BRD8: variants seen among roughly 807,000 people sequenced by gnomAD.
The protein encoded by BRD8 is bromodomain-containing protein 8.
In BRD8, 67 loss-of-function variants were observed where a neutral mutation model predicts 143.1. The observed-to-expected ratio is 0.47, with a 90% CI of 0.38 to 0.57. BRD8 has a LOEUF of 0.57. BRD8 is among the 20% of genes least tolerant of loss of function. BRD8 has a pLI of 0.00. For missense variants in BRD8, 1,103 were observed against 1,503.0 expected (o/e 0.73, Z 4.40); for synonymous variants, 505 against 517.1 (o/e 0.98, Z 0.32).
intron 2 of BRD8, among the ~76,000 whole-genome samples, chr5:138,173,842 C>T (rs1754086924): frequency 6.6e-6 from 1 of 152,186 alleles, no homozygotes; most frequent in African/African-American, 2.4e-5. Context: ...ACCACCAGAC[C>T]TGGCTAGTAT....
chr5:138,164,041 G>A (rs777702653), intron 14 of BRD8, 46 bp downstream of exon 14: 53 of 1,578,974 alleles, frequency 3.4e-5, no homozygotes, highest in Admixed American at 8.4e-5. Flanking sequence ...GTGCTATAGG[G>A]AAATCTAATC....
At chr5:138,143,924 C>T (rs746838300) in intron 25 of BRD8, among the ~76,000 whole-genome samples, 6 of 152,200 alleles carry the variant, frequency 3.9e-5, no homozygotes, top group African/African-American at 7.2e-5. Flanking sequence ...CCCCTCAAGG[C>T]AGCAGTGGCA....
At chr5:138,160,433 A>G (rs1273631019) in intron 18 of BRD8, among the ~76,000 whole-genome samples, 1 of 152,232 alleles carries the variant, frequency 6.6e-6, no homozygotes, top group African/African-American at 2.4e-5. Flanking sequence ...TAATAAAACT[A>G]GAATGAACCA....
chr5:138,142,547 G>A (rs1045120819), intron 25 of BRD8, among the ~76,000 whole-genome samples: 1 of 150,688 alleles, frequency 6.6e-6, no homozygotes, highest in African/African-American at 2.4e-5. Context: ...GGCGGATCAC[G>A]AGGTCAAGAG....
intron 26 of BRD8, 23 bp downstream of exon 26, chr5:138,140,682 C>T (rs1751867574): frequency 6.2e-7 from 1 of 1,607,228 alleles, no homozygotes; most frequent in Non-Finnish European, 8.5e-7. Flanking sequence ...ATTCCAGAGG[C>T]TACAGGTATC....
intron 20 of BRD8, 97 bp downstream of exon 20, chr5:138,159,458 C>A: frequency 7.8e-7 from 1 of 1,285,244 alleles, no homozygotes; most frequent in Non-Finnish European, 1.1e-6. Context: ...AAGACACTGC[C>A]ACAGTCTGCA....
chr5:138,158,727 G>A (rs901495954), intron 20 of BRD8, among the ~76,000 whole-genome samples: 1 of 149,402 alleles, frequency 6.7e-6, no homozygotes, highest in Non-Finnish European at 1.5e-5. Context: ...ACAGGTGTGA[G>A]CCACCACACC....
At chr5:138,161,489 T>C (rs1752995918) in intron 17 of BRD8, among the ~76,000 whole-genome samples, 1 of 152,156 alleles carries the variant, frequency 6.6e-6, no homozygotes, top group South Asian at 2.1e-4. Flanking sequence ...CTAAGTCTTG[T>C]ATTTTCTGTA....
chr5:138,141,317 A>G (rs1751899108), intron 25 of BRD8, among the ~76,000 whole-genome samples: 1 of 152,306 alleles, frequency 6.6e-6, no homozygotes, highest in East Asian at 1.9e-4. Flanking sequence ...TTTAGTAGAG[A>G]TAGGGTTTCA....
chr5:138,163,001 G>GAAGGAAAGGA (rs533786705), intron 15 of BRD8, 129 bp downstream of exon 15: 6 of 836,014 alleles, frequency 7.2e-6, no homozygotes, highest in East Asian at 2.7e-5. Flanking sequence ...AGAAAAAAGA[G>GAAGGAAAGGA]AAGGAAAGGA....
Position 138,166,616 on chromosome 5 carries a change from G to C in BRD8, c.899C>G (p.Pro300Arg), listed in dbSNP as rs1448932777. 4 of 1,613,652 alleles carry C rather than the reference G, an allele frequency of 2.5e-6. No individual in the cohort carries two copies. The highest frequency in any genetic ancestry group is 1.7e-4 in the Middle Eastern group (1 of 6,058). Residue 300 changes from proline (P) to arginine (R), a missense_variant, in exon 10 of 27, where the codon CCT becomes CGT. Transcript: ENST00000254900. ...SEPPVKLVPP[P>R]VESVSQATIV... ...GGTAGCTTGGGACACAGACTCTACA[G>C]GGGGTGGCACAAGTTTAACTGGAGG...
Position 138,170,915 on chromosome 5 carries a change from A to G in BRD8, c.360-3T>C, listed in dbSNP as rs755597390. On this transcript the variant is annotated splice_polypyrimidine_tract_variant and splice_region_variant and intron_variant, in intron 5 of 26. Transcript: ENST00000254900. ...GTTCTGCATCTCTCTTTAGCCGTCTATAGGAAGAAAGAGAGGTAGGTAGAC... is the reference window on the plus strand; with the variant it reads ...GTTCTGCATCTCTCTTTAGCCGTCTGTAGGAAGAAAGAGAGGTAGGTAGAC... 4 of 1,614,104 alleles carry G rather than the reference A, an allele frequency of 2.5e-6. No homozygotes were observed. The highest frequency in any genetic ancestry group is 1.6e-4 in the Middle Eastern group (1 of 6,062).
At position 138,167,715 on chromosome 5, in the gene BRD8, T is replaced by C. The variant is rs1294395827; in HGVS notation, c.787+219A>G. The C allele has an allele frequency of 7.7e-6, 4 of 518,122 alleles. No individual in the cohort carries two copies. The East Asian group carries it at 1.1e-4, about 14-fold the overall frequency. The allele number at this position is 518,122 out of a possible 1,614,324, so 32.1% of individuals were successfully genotyped here. ...AAGCAGTTCAATATTACTCTCAATA[T>C]CCATGCTGTGGTCAATCAGGGCTAT... On this transcript the variant is annotated intron_variant, in intron 9 of 26. Coordinates refer to ENST00000254900, the MANE Select transcript of BRD8 (RefSeq NM_139199.2).
At chr5:138,143,036 G>A (rs1175652614) in intron 25 of BRD8, among the ~76,000 whole-genome samples, 1 of 152,168 alleles carries the variant, frequency 6.6e-6, no homozygotes, top group Non-Finnish European at 1.5e-5. Context: ...TGTAATCCCA[G>A]CACTTTGGGA....
intron 23 of BRD8, among the ~76,000 whole-genome samples, chr5:138,146,560 C>T (rs1040262546): frequency 8.7e-5 from 13 of 150,142 alleles, no homozygotes; most frequent in African/African-American, 2.7e-4. Context: ...GGTCCCACTA[C>T]GTTGCCCAGG....
intron 2 of BRD8, chr5:138,172,743 T>C: frequency 2.3e-6 from 1 of 426,894 alleles, no homozygotes; most frequent in Non-Finnish European, 4.6e-6. Flanking sequence ...TCCCAGCTAC[T>C]TGGGCAGCTG....
chr5:138,164,239 C>T (rs1753223617), intron 13 of BRD8, 81 bp downstream of exon 13: 1 of 1,574,360 alleles, frequency 6.4e-7, no homozygotes, highest in African/African-American at 1.3e-5. Flanking sequence ...CCTGTTCTAC[C>T]TCCTCTACTT....
At chr5:138,169,628 A>G (rs921275039) in intron 7 of BRD8, among the ~76,000 whole-genome samples, 2 of 152,228 alleles carry the variant, frequency 1.3e-5, no homozygotes, top group Non-Finnish European at 2.9e-5. Context: ...AAAGTAGTTT[A>G]AACATCCTTT....
In BRD8 at chr5:138,168,035, C is replaced by A. The variant is rs753463695; in HGVS notation, c.686G>T (p.Ser229Ile). 4.3e-6 allele frequency: 7 copies of A among 1,613,260 alleles called. No individual in the cohort carries two copies. The highest frequency in any genetic ancestry group is 8.5e-7 in the Non-Finnish European group (1 of 1,179,468). ...GCCTACCTCCAGGAGGACACCTGTA[C>A]TGTTCAGGTGGCCAGAAGCCACAGC... ...EMAVASGHLN[S>I]TGVLLEVGGV... The change falls in exon 9 of 27, where the codon AGT becomes ATT. Residue 229 changes from serine to isoleucine, a missense_variant. Physicochemically the swap from Ser to Ile is moderately radical, Grantham distance 142. Coordinates refer to ENST00000254900, the MANE Select transcript of BRD8 (RefSeq NM_139199.2).
Sources: allele counts gnomAD v4.1 joint callset (sites outside exome capture counted in the v4.1 genomes callset), GRCh38; gene constraint gnomAD v4.1.1; transcripts MANE v1.5; gene names NCBI Gene and HGNC (gene_info 2026-07-23, HGNC 2026-07-21).